CLNS1A: variants seen among roughly 807,000 people sequenced by gnomAD.
CLNS1A encodes the protein chloride nucleotide-sensitive channel 1A.
Under a neutral mutation model 29.4 loss-of-function variants are expected in CLNS1A, and 16 were observed. The ratio of observed to expected loss-of-function variants is 0.54; its 90% CI spans 0.37 to 0.83. The LOEUF (loss-of-function observed/expected upper bound fraction) is 0.83, where lower values mean the gene tolerates loss of function less well. CLNS1A is among the 40% of genes least tolerant of loss of function. The pLI, the probability that CLNS1A is intolerant of heterozygous loss-of-function variation, is 0.00. For synonymous variants in CLNS1A, 96 were observed against 104.8 expected (o/e 0.92, Z 0.51); for missense variants, 235 against 287.4 (o/e 0.82, Z 1.32).
At chr11:77,622,166 T>C (rs1958964609) in intron 5 of CLNS1A, 2 of 433,584 alleles carry the variant, frequency 4.6e-6, no homozygotes, top group Non-Finnish European at 9.2e-6. Flanking sequence ...CACTTTGTTA[T>C]AATAGCCCTA....
chr11:77,635,528 T>C (rs910960955), intron 1 of CLNS1A, among the ~76,000 whole-genome samples: 1 of 151,950 alleles, frequency 6.6e-6, no homozygotes, highest in South Asian at 2.1e-4. Flanking sequence ...ATTTTTGTAT[T>C]TTAGTAGAGA....
intron 4 of CLNS1A, among the ~76,000 whole-genome samples, chr11:77,624,110 C>T (rs958191933): frequency 6.6e-6 from 1 of 152,094 alleles, no homozygotes; most frequent in Non-Finnish European, 1.5e-5. Context: ...AAAAAATACA[C>T]AAAAATTAGC....
At chr11:77,621,823 T>A (rs1433490777) in intron 5 of CLNS1A, 8 of 381,532 alleles carry the variant, frequency 2.1e-5, no homozygotes, top group Non-Finnish European at 3.6e-5. Context: ...GTGTGGTGGG[T>A]CTCATTTAAT....
intron 3 of CLNS1A, 116 bp downstream of exon 3, chr11:77,625,601 G>T (rs959031654): frequency 3.7e-6 from 3 of 817,632 alleles, no homozygotes; most frequent in Non-Finnish European, 5.5e-6. Flanking sequence ...AAAAGCAATA[G>T]AATGGAGGTA....
intron 1 of CLNS1A, among the ~76,000 whole-genome samples, chr11:77,634,370 T>C (rs965017200): frequency 3.3e-5 from 5 of 152,302 alleles, no homozygotes; most frequent in African/African-American, 9.6e-5. Flanking sequence ...GGACTGTATA[T>C]ATATGTACAC....
intron 1 of CLNS1A, among the ~76,000 whole-genome samples, chr11:77,635,828 A>G (rs1279735795): frequency 2.6e-5 from 4 of 152,180 alleles, no homozygotes; most frequent in South Asian, 2.1e-4. Flanking sequence ...GCTTTCCCCA[A>G]TTATCAAAGA....
intron 2 of CLNS1A, 127 bp from the exon 3 acceptor site, chr11:77,625,945 G>A (rs569942732): frequency 1.1e-6 from 1 of 890,406 alleles, no homozygotes; most frequent in Admixed American, 2.8e-5. Context: ...TCCAATTATG[G>A]TTGAAAAATT....
At chr11:77,627,395 C>T (rs1307281317) in intron 2 of CLNS1A, among the ~76,000 whole-genome samples, 3 of 148,784 alleles carry the variant, frequency 2.0e-5, no homozygotes, top group Non-Finnish European at 4.4e-5. Flanking sequence ...GTCAAGATCG[C>T]ATCACTGCAC....
In CLNS1A at chr11:77,637,704, AG is replaced by A. The variant is rs1177232945; in HGVS notation, c.10del (p.Leu4SerfsTer24). The A allele has an allele frequency of 6.4e-7, 1 of 1,557,922 alleles. No homozygotes were observed. Among genetic ancestry groups the A allele is most frequent in the Non-Finnish European group, 8.7e-7 (1 of 1,150,718 alleles). Reference sequence around the variant, plus strand: ...TGGCCCAGGCGGCGGGAAACTTTTGAGGAAGCTCATAGCAGCAGAGTGCGGC... The same window carrying A: ...TGGCCCAGGCGGCGGGAAACTTTTGAGAAGCTCATAGCAGCAGAGTGCGGC... MSFLKSFPPPGPAE... is the reference protein window; with the variant it reads MSFXKSFPPPGPAE... On this transcript the variant is annotated frameshift_variant, in exon 1 of 7. Coordinates refer to ENST00000525428, the MANE Select transcript of CLNS1A (RefSeq NM_001293.3). LOFTEE classifies it high-confidence loss of function.
At chr11:77,625,639 G>A in intron 3 of CLNS1A, 78 bp downstream of exon 3, 1 of 1,141,264 alleles carries the variant, frequency 8.8e-7, no homozygotes, top group Non-Finnish European at 1.3e-6. Flanking sequence ...AGGTGTGTGT[G>A]TGTGTGTATG....
At chr11:77,633,435 G>T (rs1249608471) in intron 1 of CLNS1A, among the ~76,000 whole-genome samples, 1 of 152,156 alleles carries the variant, frequency 6.6e-6, no homozygotes, top group Admixed American at 6.5e-5. Context: ...TATTCTAGAA[G>T]AAATCCTTCT....
chr11:77,625,115 A>C, intron 3 of CLNS1A, 45 bp from the exon 4 acceptor site: 1 of 1,395,312 alleles, frequency 7.2e-7, no homozygotes. Context: ...TTTGTAATAA[A>C]AGTAACCATC....
chr11:77,637,750 T>G lies in CLNS1A; in HGVS notation c.-36A>C, dbSNP rs1457892828. ...TGCGGCAACACAGGCCCTGAGGGAG[T>G]TGGAGCACAGCAATGCGTGCACCAC... On this transcript the variant is annotated 5_prime_UTR_variant, in exon 1 of 7. Transcript: ENST00000525428. 1.3e-6 allele frequency: 2 copies of G among 1,542,730 alleles called. No individual in the cohort carries two copies. Among genetic ancestry groups the G allele is most frequent in the East Asian group, 2.5e-5 (1 of 40,690 alleles).
At chr11:77,620,731 C>G (rs1279129437) in intron 5 of CLNS1A, among the ~76,000 whole-genome samples, 1 of 152,040 alleles carries the variant, frequency 6.6e-6, no homozygotes, top group Non-Finnish European at 1.5e-5. Context: ...ATGGCTTGAA[C>G]CAGGAAGGTG....
Position 77,637,743 on chromosome 11 carries a change from G to A in CLNS1A, c.-29C>T, listed in dbSNP as rs368311838. 2 of 1,546,622 alleles carry A rather than the reference G, an allele frequency of 1.3e-6. No individual in the cohort carries two copies. Among genetic ancestry groups the A allele is most frequent in the Non-Finnish European group, 1.7e-6 (2 of 1,144,414 alleles). The stretch of plus-strand genomic sequence containing the variant: ...AGCAGAGTGCGGCAACACAGGCCCT[G>A]AGGGAGTTGGAGCACAGCAATGCGT... On this transcript the variant is annotated 5_prime_UTR_variant, in exon 1 of 7. Coordinates refer to ENST00000525428, the MANE Select transcript of CLNS1A (RefSeq NM_001293.3).
At position 77,623,965 on chromosome 11, in the gene CLNS1A, T is replaced by A. The variant is rs571867391; in HGVS notation, c.472+998A>T. 2.0e-5 allele frequency among the ~76,000 whole-genome samples: 3 copies of A among 152,340 alleles called. No individual in the cohort carries two copies. The East Asian group carries it at 5.8e-4, about 29-fold the overall frequency. On this transcript the variant is annotated intron_variant, in intron 4 of 6. Coordinates refer to ENST00000525428, the MANE Select transcript of CLNS1A (RefSeq NM_001293.3). ...TGGCAGTGAGCTGTTTGAAGGAACA[T>A]GTTAAATAAAGATGCAGGCCAGGCC...
Position 77,637,686 on chromosome 11 carries a change from G to A in CLNS1A, c.29C>T (p.Pro10Leu). The A allele has an allele frequency of 6.4e-7, 1 of 1,562,054 alleles. No homozygotes were observed. Among genetic ancestry groups the A allele is most frequent in the Non-Finnish European group, 8.7e-7 (1 of 1,153,288 alleles). The change falls in exon 1 of 7, where the codon CCT becomes CTT. Residue 10 changes from proline (P) to leucine (L), a missense_variant. Coordinates refer to ENST00000525428, the MANE Select transcript of CLNS1A (RefSeq NM_001293.3). Reference protein sequence around the residue: MSFLKSFPPPGPAEGLLRQQ... With the variant: MSFLKSFPPLGPAEGLLRQQ... ...CCGCAGGAGCCCCTCCGCTGGCCCA[G>A]GCGGCGGGAAACTTTTGAGGAAGCT...
At chr11:77,626,249 G>A (rs1180890164) in intron 2 of CLNS1A, among the ~76,000 whole-genome samples, 2 of 152,054 alleles carry the variant, frequency 1.3e-5, no homozygotes, top group Non-Finnish European at 2.9e-5. Context: ...ACCACACCCT[G>A]CTAATTTTTG....
At chr11:77,635,408 A>T (rs1269782523) in intron 1 of CLNS1A, among the ~76,000 whole-genome samples, 1 of 151,338 alleles carries the variant, frequency 6.6e-6, no homozygotes, top group Non-Finnish European at 1.5e-5. Context: ...CTGGAATGCA[A>T]TGGCATGATC....
Sources: gnomAD v4.1 joint callset for allele counts (sites outside exome capture counted in the v4.1 genomes callset) on GRCh38, gnomAD v4.1.1 for gene constraint, MANE v1.5 for transcripts, NCBI Gene and HGNC (gene_info 2026-07-23, HGNC 2026-07-21) for gene names.